The following TMEM150C variants were observed in gnomAD, a reference collection of about 807,000 sequenced individuals.
TMEM150C encodes tentonin 3.
TMEM150C carries 10 observed loss-of-function variants against 29.9 expected under a neutral mutation model. The ratio of observed to expected loss-of-function variants is 0.33; its 90% CI spans 0.21 to 0.57. TMEM150C has a LOEUF of 0.57. Among genes scored for constraint, TMEM150C ranks in the 20% least tolerant of loss-of-function variants. The pLI, the probability that TMEM150C is intolerant of heterozygous loss-of-function variation, is 0.88. For synonymous variants in TMEM150C, 101 were observed against 112.5 expected (o/e 0.90, Z 0.64); for missense variants, 251 against 303.6 (o/e 0.83, Z 1.29).
intron 1 of TMEM150C, among the ~76,000 whole-genome samples, chr4:82,557,098 T>G (rs1359068162): frequency 6.6e-6 from 1 of 152,110 alleles, no homozygotes; most frequent in African/African-American, 2.4e-5. Flanking sequence ...TGTAAAACAG[T>G]CTAATTAACA....
intron 1 of TMEM150C, among the ~76,000 whole-genome samples, chr4:82,545,932 C>CA (rs143443945): frequency 3.8e-4 from 56 of 145,708 alleles, no homozygotes; most frequent in East Asian, 2.8e-3. Flanking sequence ...CTCAAAAAAA[C>CA]AAAAAAAAAA....
intron 1 of TMEM150C, among the ~76,000 whole-genome samples, chr4:82,526,796 A>G (rs1724665897): frequency 6.6e-6 from 1 of 152,138 alleles, no homozygotes; most frequent in Non-Finnish European, 1.5e-5. Context: ...CTCGCTTTCG[A>G]TCTTTACTGA....
At position 82,498,427 on chromosome 4, in the gene TMEM150C, C is replaced by A. The variant is rs977340082; in HGVS notation, c.236-2232G>T. Among the ~76,000 whole-genome samples, 6 of 152,296 alleles carry A rather than the reference C, an allele frequency of 3.9e-5. No homozygotes were observed. The East Asian group carries it at 1.2e-3, about 29-fold the overall frequency. On this transcript the variant is annotated intron_variant, in intron 5 of 7. Transcript: ENST00000449862. ...GCCTCAGCCTCCTGAGCAGCTGGGA[C>A]TACAGGTGCACGCCACCAAGCCAAG... is the stretch of plus-strand genomic sequence containing the variant.
At position 82,551,859 on chromosome 4, in the gene TMEM150C, G is replaced by T. The variant is rs532073772; in HGVS notation, c.-11+10047C>A. Among the ~76,000 whole-genome samples, 4 of 152,304 alleles carry T rather than the reference G, an allele frequency of 2.6e-5. No individual in the cohort carries two copies. The East Asian group carries it at 7.7e-4, about 29-fold the overall frequency. ...AACATGCAGTAGGCACTCTGGTATA[G>T]TTTGGATATTTGATCCCTCCAAACC... On this transcript the variant is annotated intron_variant, in intron 1 of 7. Transcript: ENST00000449862.
chr4:82,515,834 A>G (rs1311640324), intron 1 of TMEM150C, among the ~76,000 whole-genome samples: 2 of 151,988 alleles, frequency 1.3e-5, no homozygotes, highest in Admixed American at 6.6e-5. Flanking sequence ...AAACCAAAAA[A>G]CCAAATCTGT....
At chr4:82,502,970 A>G in intron 3 of TMEM150C, 43 bp from the exon 4 acceptor site, 1 of 1,593,526 alleles carries the variant, frequency 6.3e-7, no homozygotes, top group Non-Finnish European at 8.5e-7. Flanking sequence ...AGGTTAAAGC[A>G]CTGTCATTTG....
chr4:82,534,478 T>A (rs1334979013), intron 1 of TMEM150C, among the ~76,000 whole-genome samples: 1 of 152,190 alleles, frequency 6.6e-6, no homozygotes. Context: ...ATGTGCAAGA[T>A]GTAACATATA....
chr4:82,538,839 T>C (rs1395190095), intron 1 of TMEM150C, among the ~76,000 whole-genome samples: 3 of 152,154 alleles, frequency 2.0e-5, no homozygotes, highest in Non-Finnish European at 4.4e-5. Flanking sequence ...GGTGGGCAGA[T>C]TGCTTGAGCT....
chr4:82,523,492 G>A (rs188835966), intron 1 of TMEM150C, among the ~76,000 whole-genome samples: 170 of 152,260 alleles, frequency 1.1e-3, no homozygotes, highest in African/African-American at 4.0e-3. Flanking sequence ...AACATGTGAG[G>A]CAAGGGCGAG....
chr4:82,498,466 A>G (rs1723627604), intron 5 of TMEM150C, among the ~76,000 whole-genome samples: 1 of 151,936 alleles, frequency 6.6e-6, no homozygotes, highest in South Asian at 2.1e-4. Flanking sequence ...ATGTTTTTGT[A>G]TTTTTAGTAC....
chr4:82,494,928 G>T, intron 6 of TMEM150C: 1 of 560,364 alleles, frequency 1.8e-6, no homozygotes. Flanking sequence ...CTTCTCTTTA[G>T]CCTCCTTCAT....
At chr4:82,535,143 T>A (rs558225741) in intron 1 of TMEM150C, among the ~76,000 whole-genome samples, 1 of 152,342 alleles carries the variant, frequency 6.6e-6, no homozygotes, top group East Asian at 1.9e-4. Flanking sequence ...TCTGTTGCTA[T>A]AACAGCATAC....
At chr4:82,517,295 T>C (rs1371697819) in intron 1 of TMEM150C, among the ~76,000 whole-genome samples, 3 of 152,294 alleles carry the variant, frequency 2.0e-5, no homozygotes, top group Admixed American at 1.3e-4. Flanking sequence ...TCCTCAGAAA[T>C]AGGAGCAAAA....
At chr4:82,555,323 G>A (rs1725704251) in intron 1 of TMEM150C, among the ~76,000 whole-genome samples, 1 of 152,206 alleles carries the variant, frequency 6.6e-6, no homozygotes, top group South Asian at 2.1e-4. Context: ...CATATCCACT[G>A]AGACCATTTG....
At chr4:82,513,193 G>A (rs1578134472) in intron 1 of TMEM150C, among the ~76,000 whole-genome samples, 1 of 152,294 alleles carries the variant, frequency 6.6e-6, no homozygotes, top group East Asian at 1.9e-4. Context: ...GGAGAGCTCT[G>A]GCTGGCATCT....
At chr4:82,506,265 C>T (rs891872888) in intron 1 of TMEM150C, among the ~76,000 whole-genome samples, 2 of 152,228 alleles carry the variant, frequency 1.3e-5, no homozygotes, top group African/African-American at 4.8e-5. Context: ...GAACCAATCC[C>T]ATCTGCAACA....
At chr4:82,544,910 CA>C (rs1395957623) in intron 1 of TMEM150C, among the ~76,000 whole-genome samples, 1 of 151,884 alleles carries the variant, frequency 6.6e-6, no homozygotes, top group Non-Finnish European at 1.5e-5. Context: ...AAAAAAGCCC[CA>C]AAAATCTACC....
intron 1 of TMEM150C, among the ~76,000 whole-genome samples, chr4:82,534,564 C>T (rs1026706127): frequency 1.3e-5 from 2 of 152,190 alleles, no homozygotes; most frequent in African/African-American, 4.8e-5. Context: ...CAATTCTGTG[C>T]AGATTACTTT....
At chr4:82,531,854 G>A (rs1724858763) in intron 1 of TMEM150C, among the ~76,000 whole-genome samples, 1 of 152,080 alleles carries the variant, frequency 6.6e-6, no homozygotes, top group African/African-American at 2.4e-5. Context: ...AGACAAAGAG[G>A]TGGTCAACAA....
Sources: allele counts gnomAD v4.1 joint callset (sites outside exome capture counted in the v4.1 genomes callset), GRCh38; gene constraint gnomAD v4.1.1; transcripts MANE v1.5; gene names NCBI Gene and HGNC (gene_info 2026-07-23, HGNC 2026-07-21).